MAMDC2: variants seen among roughly 807,000 people sequenced by gnomAD.
The protein encoded by MAMDC2 is MAM domain containing 2.
A neutral mutation model predicts 89.8 loss-of-function variants in MAMDC2; 57 were observed. The observed-to-expected ratio is 0.63, with a 90% confidence interval of 0.51 to 0.79. The LOEUF (loss-of-function observed/expected upper bound fraction) is 0.79. Ranked by LOEUF, MAMDC2 falls within the 30% of genes least tolerant of loss-of-function variation. The probability of loss-of-function intolerance (pLI) is 0.00; values close to 1 mark genes in which losing one functional copy is unlikely to be tolerated. For synonymous variants in MAMDC2, 313 were observed against 293.4 expected, an observed-to-expected ratio of 1.07 and a Z score of -0.68; for missense variants, 800 against 820.6, an observed-to-expected ratio of 0.97 and a Z score of 0.31.
chr9:70,092,925 C>A (rs1827937298), intron 2 of MAMDC2, among the ~76,000 whole-genome samples: 1 of 152,274 alleles, frequency 6.6e-6, no homozygotes, highest in South Asian at 2.1e-4. Context: ...TGTTTACCTC[C>A]ACTGCTACGT....
chr9:70,212,454 G>C (rs2033374616), intron 11 of MAMDC2, among the ~76,000 whole-genome samples: 1 of 152,220 alleles, frequency 6.6e-6, no homozygotes, highest in African/African-American at 2.4e-5. Flanking sequence ...CTCCTGGTGT[G>C]CCATTTGCTA....
chr9:70,081,438 T>C (rs1827651533), intron 2 of MAMDC2: 1 of 151,878 alleles, frequency 6.6e-6, no homozygotes, highest in Middle Eastern at 3.2e-3. Context: ...TTGGGATGAG[T>C]TTGTTATACC....
chr9:70,217,326 G>A, intron 11 of MAMDC2: 1 of 1,388,810 alleles, frequency 7.2e-7, no homozygotes. Context: ...TTTCCAAGAG[G>A]AATCCTTGGC....
At chr9:70,150,099 C>T (rs2031538195) in intron 9 of MAMDC2, among the ~76,000 whole-genome samples, 3 of 152,170 alleles carry the variant, frequency 2.0e-5, no homozygotes, top group Admixed American at 2.0e-4. Flanking sequence ...CATGTGTACC[C>T]TGTAAGCCAG....
At chr9:70,050,196 T>C (rs1247864642) in intron 2 of MAMDC2, among the ~76,000 whole-genome samples, 1 of 152,144 alleles carries the variant, frequency 6.6e-6, no homozygotes, top group Non-Finnish European at 1.5e-5. Context: ...CTTTCAGATG[T>C]ATAGGGATCC....
At chr9:70,198,476 C>T (rs2309641) in intron 11 of MAMDC2, among the ~76,000 whole-genome samples, 139,109 of 152,050 alleles carry the variant, frequency 0.91, 63,791 homozygotes, top group East Asian at 0.98. Context: ...AGGGATTTTG[C>T]AGCCAAATGA....
intron 11 of MAMDC2, among the ~76,000 whole-genome samples, chr9:70,183,736 G>A (rs906689127): frequency 6.6e-6 from 1 of 152,008 alleles, no homozygotes; most frequent in Non-Finnish European, 1.5e-5. Flanking sequence ...GAGCCTATGT[G>A]TGTCTTTGCA....
chr9:70,145,510 C>T (rs1459962847), intron 9 of MAMDC2, among the ~76,000 whole-genome samples: 3 of 152,126 alleles, frequency 2.0e-5, no homozygotes, highest in Non-Finnish European at 2.9e-5. Flanking sequence ...AACTTGAGTT[C>T]CCATTACCAA....
At chr9:70,175,222 T>C (rs2118551940) in intron 11 of MAMDC2, among the ~76,000 whole-genome samples, 1 of 152,280 alleles carries the variant, frequency 6.6e-6, no homozygotes, top group East Asian at 1.9e-4. Flanking sequence ...TGAACAATGA[T>C]GGTAAATTTG....
At chr9:70,106,704 G>T (rs2118245374) in intron 2 of MAMDC2, among the ~76,000 whole-genome samples, 1 of 152,318 alleles carries the variant, frequency 6.6e-6, no homozygotes, top group East Asian at 1.9e-4. Flanking sequence ...CCACAAGGGT[G>T]CCTGGGTTGG....
In MAMDC2 at chr9:70,195,078, G is replaced by C. The variant is rs544421192; in HGVS notation, c.1652-23259G>C. On this transcript the variant is annotated intron_variant, in intron 11 of 13. Transcript: ENST00000377182. ...CAGGCTAATATGAAGTTTCCTATTT[G>C]AATAAACGTACTAAAAATGGAATCT... Among the ~76,000 whole-genome samples, 4 of 152,008 alleles carry C rather than the reference G, an allele frequency of 2.6e-5. No individual in the cohort carries two copies. In the East Asian group the frequency reaches 7.7e-4, roughly 29 times the overall value.
intron 2 of MAMDC2, among the ~76,000 whole-genome samples, chr9:70,058,665 T>C (rs1827080163): frequency 1.3e-5 from 2 of 152,070 alleles, no homozygotes; most frequent in Admixed American, 6.6e-5. Context: ...CCTGCCTGCC[T>C]TCTGTGAGGG....
chr9:70,218,480 G>A lies in MAMDC2; in HGVS notation c.1795G>A (p.Val599Ile), dbSNP rs2033491585. 6.2e-7 allele frequency: 1 copy of A among 1,614,052 alleles called. No individual in the cohort carries two copies. The highest frequency in any genetic ancestry group is 1.7e-5 in the Admixed American group (1 of 60,006). ...MYGGGTGLLS[V>I]YLKKEEDSEE... ...TGGAGGGGGCACTGGCCTGCTGAGT[G>A]TTTATCTGAAAAAGGAAGAAGACAG... The change falls in exon 12 of 14, where the codon GTT (valine) becomes ATT (isoleucine). Residue 599 changes from valine to isoleucine, a missense_variant. Coordinates refer to ENST00000377182, the MANE Select transcript of MAMDC2 (RefSeq NM_153267.5).
intron 11 of MAMDC2, 155 bp from the exon 12 acceptor site, chr9:70,218,182 C>T: frequency 1.4e-6 from 1 of 697,800 alleles, no homozygotes; most frequent in Non-Finnish European, 2.2e-6. Context: ...GTTATTCATT[C>T]TCCTTAGATA....
chr9:70,210,454 C>T (rs1411536504), intron 11 of MAMDC2, among the ~76,000 whole-genome samples: 2 of 152,140 alleles, frequency 1.3e-5, no homozygotes, highest in African/African-American at 4.8e-5. Context: ...AGGATTGCAA[C>T]CCCTGCCTTT....
chr9:70,204,375 AGGGGTCAGG>A (rs1437621077), intron 11 of MAMDC2, among the ~76,000 whole-genome samples: 1 of 151,808 alleles, frequency 6.6e-6, no homozygotes, highest in Admixed American at 6.5e-5. Context: ...CTCGGGGGTC[AGGGGTCAGG>A]GACCCACTTG....
At chr9:70,178,643 C>CTGAA (rs2118564693) in intron 11 of MAMDC2, among the ~76,000 whole-genome samples, 1 of 152,350 alleles carries the variant, frequency 6.6e-6, no homozygotes, top group South Asian at 2.1e-4. Context: ...CCTCTCATAA[C>CTGAA]TGAAAGCAAT....
chr9:70,218,697 A>G, intron 12 of MAMDC2, 101 bp downstream of exon 12: 3 of 1,370,310 alleles, frequency 2.2e-6, no homozygotes, highest in Middle Eastern at 4.9e-4. Context: ...GTTCTTTTTC[A>G]GGGTCATAGA....
intron 2 of MAMDC2, among the ~76,000 whole-genome samples, chr9:70,089,488 T>C (rs571465933): frequency 5.3e-4 from 80 of 152,272 alleles, no homozygotes; most frequent in African/African-American, 1.4e-3. Context: ...GTGTGCACTC[T>C]AGTAGGGACT....
Sources: allele counts gnomAD v4.1 joint callset (sites outside exome capture counted in the v4.1 genomes callset), GRCh38; gene constraint gnomAD v4.1.1; transcripts MANE v1.5; gene names NCBI Gene and HGNC (gene_info 2026-07-23, HGNC 2026-07-21).